The following SIPA1L1 variants were observed in gnomAD, a reference collection of about 807,000 sequenced individuals.
The protein encoded by SIPA1L1 is signal-induced proliferation-associated 1-like protein 1.
A neutral mutation model predicts 162.7 loss-of-function variants in SIPA1L1; 26 were observed. The observed-to-expected ratio is 0.16, with a 90% CI of 0.12 to 0.22. The LOEUF (loss-of-function observed/expected upper bound fraction) is 0.22. SIPA1L1 is among the 10% of genes least tolerant of loss of function. The pLI is 1.00. For missense variants in SIPA1L1, 1,874 were observed against 2,241.0 expected (o/e 0.84, Z 3.31); for synonymous variants, 829 against 837.4 (o/e 0.99, Z 0.17).
intron 2 of SIPA1L1, among the ~76,000 whole-genome samples, chr14:71,412,592 G>A (rs2042484524): frequency 2.6e-5 from 4 of 152,106 alleles, no homozygotes; most frequent in Non-Finnish European, 5.9e-5. Flanking sequence ...TTTTTATTTA[G>A]CTGAATAAAA....
At position 71,504,043 on chromosome 14, in the gene SIPA1L1, G is replaced by A. The variant is rs1377488929; in HGVS notation, c.-464-8700G>A. 2.6e-5 allele frequency: 4 copies of A among 151,990 alleles called. No homozygotes were observed. The South Asian group carries it at 8.3e-4, about 32-fold the overall frequency. 9.4% of individuals were successfully genotyped at this position (151,990 alleles called of 1,614,324 possible). ...TGGTCTCAAACTCCTGGCCTCAAGC[G>A]ATCTATCTGCCTTGGCCTCCCAAAG... On this transcript the variant is annotated intron_variant, in intron 2 of 23. Transcript: ENST00000381232.
chr14:71,568,532 G>A (rs954061581), intron 4 of SIPA1L1, among the ~76,000 whole-genome samples: 5 of 152,076 alleles, frequency 3.3e-5, no homozygotes, highest in Non-Finnish European at 5.9e-5. Context: ...TCCTTGGTTC[G>A]CTAGGAAGAT....
At chr14:71,731,351 T>C (rs2084760065) in intron 20 of SIPA1L1, among the ~76,000 whole-genome samples, 1 of 151,198 alleles carries the variant, frequency 6.6e-6, no homozygotes. Context: ...TAAATAAAGC[T>C]GCTCCATCCA....
At chr14:71,447,476 T>C (rs2045493671) in intron 2 of SIPA1L1, among the ~76,000 whole-genome samples, 1 of 152,036 alleles carries the variant, frequency 6.6e-6, no homozygotes, top group Non-Finnish European at 1.5e-5. Context: ...CAGTGCAAAA[T>C]TATGGGGATG....
chr14:71,469,567 C>T (rs1158448784), intron 2 of SIPA1L1, among the ~76,000 whole-genome samples: 1 of 152,096 alleles, frequency 6.6e-6, no homozygotes, highest in Non-Finnish European at 1.5e-5. Context: ...CTCTGCTCAT[C>T]GTAGCGAAGA....
intron 7 of SIPA1L1, among the ~76,000 whole-genome samples, chr14:71,627,731 T>C (rs574161034): frequency 6.6e-6 from 1 of 152,338 alleles, no homozygotes; most frequent in South Asian, 2.1e-4. Flanking sequence ...ATTCCAACTA[T>C]TGGCCTATTT....
At chr14:71,534,519 T>C (rs1248602494) in intron 4 of SIPA1L1, among the ~76,000 whole-genome samples, 1 of 152,176 alleles carries the variant, frequency 6.6e-6, no homozygotes, top group Non-Finnish European at 1.5e-5. Flanking sequence ...TAACAGATGC[T>C]TTCCCAATTT....
intron 5 of SIPA1L1, among the ~76,000 whole-genome samples, chr14:71,608,935 T>C (rs1402369715): frequency 6.6e-6 from 1 of 152,056 alleles, no homozygotes; most frequent in African/African-American, 2.4e-5. Flanking sequence ...CTTCCAATTA[T>C]AAAAGTTATA....
At chr14:71,678,525 C>T (rs1342430928) in intron 12 of SIPA1L1, among the ~76,000 whole-genome samples, 1 of 152,168 alleles carries the variant, frequency 6.6e-6, no homozygotes, top group Non-Finnish European at 1.5e-5. Flanking sequence ...TTTTGATGTG[C>T]TGCTGGATTC....
chr14:71,478,756 C>A (rs2048085773), intron 2 of SIPA1L1, among the ~76,000 whole-genome samples: 1 of 152,148 alleles, frequency 6.6e-6, no homozygotes, highest in African/African-American at 2.4e-5. Context: ...ATAGGACGTA[C>A]TTCCTGTGAC....
At chr14:71,493,933 G>T (rs2049504625) in intron 2 of SIPA1L1, among the ~76,000 whole-genome samples, 1 of 152,194 alleles carries the variant, frequency 6.6e-6, no homozygotes, top group Non-Finnish European at 1.5e-5. Context: ...AGGCCAGCCC[G>T]AAGGGACTCC....
At chr14:71,516,723 A>G (rs2051766778) in intron 3 of SIPA1L1, among the ~76,000 whole-genome samples, 1 of 151,484 alleles carries the variant, frequency 6.6e-6, no homozygotes, top group Admixed American at 6.6e-5. Context: ...CTGTAATCCC[A>G]GCACTTTGGG....
intron 7 of SIPA1L1, among the ~76,000 whole-genome samples, chr14:71,647,237 C>T (rs998597091): frequency 6.6e-6 from 1 of 152,034 alleles, no homozygotes; most frequent in African/African-American, 2.4e-5. Flanking sequence ...AAGGATCATT[C>T]CTTTCACAAC....
intron 2 of SIPA1L1, among the ~76,000 whole-genome samples, chr14:71,367,764 G>A (rs951393605): frequency 2.0e-5 from 3 of 150,292 alleles, no homozygotes; most frequent in East Asian, 2.0e-4. Context: ...CCACTACCAC[G>A]TCTGACTAGT....
chr14:71,733,672 T>A lies in SIPA1L1; in HGVS notation c.4868T>A (p.Phe1623Tyr), dbSNP rs751118878. The part of the protein sequence containing the change: ...TLGMKSLHGE[F>Y]SASDSSLTDI... ...TCCTCCTCCCTTCCCGCAGGAGAGT[T>A]CTCAGCCTCGGACAGCTCCCTCACT... The change falls in exon 21 of 24, where the codon TTC (phenylalanine) becomes TAC (tyrosine). Residue 1623 changes from phenylalanine (F) to tyrosine (Y), a missense_variant. By Grantham distance (22) the Phe-to-Tyr change is conservative. Transcript: ENST00000381232. 1 of 1,613,784 alleles carries A rather than the reference T, an allele frequency of 6.2e-7. No individual in the cohort carries two copies. The highest frequency in any genetic ancestry group is 1.1e-5 in the South Asian group (1 of 91,066).
intron 4 of SIPA1L1, among the ~76,000 whole-genome samples, chr14:71,546,335 C>G (rs1157520882): frequency 6.7e-6 from 1 of 149,012 alleles, no homozygotes; most frequent in African/African-American, 2.5e-5. Context: ...AGCTTCTTCT[C>G]TTTTACTCTC....
At chr14:71,712,421 G>T (rs755345695) in intron 17 of SIPA1L1, among the ~76,000 whole-genome samples, 1 of 151,942 alleles carries the variant, frequency 6.6e-6, no homozygotes, top group Admixed American at 6.6e-5. Context: ...TTGCTCCCTA[G>T]AATATATGTG....
intron 12 of SIPA1L1, among the ~76,000 whole-genome samples, chr14:71,678,048 G>A (rs1340527107): frequency 2.6e-5 from 4 of 152,128 alleles, no homozygotes; most frequent in South Asian, 2.1e-4. Flanking sequence ...GGGCTGAGAC[G>A]ATGGGGTTTT....
chr14:71,564,346 A>C (rs79707940), intron 4 of SIPA1L1, among the ~76,000 whole-genome samples: 3,554 of 147,098 alleles, frequency 0.024, 56 homozygotes, highest in Middle Eastern at 0.04. Flanking sequence ...TATTTCTGTG[A>C]CTTTTTTTTT....
Sources: gnomAD v4.1 joint callset for allele counts (sites outside exome capture counted in the v4.1 genomes callset) on GRCh38, gnomAD v4.1.1 for gene constraint, MANE v1.5 for transcripts, NCBI Gene and HGNC (gene_info 2026-07-23, HGNC 2026-07-21) for gene names.